The following SPAG16 variants were observed in gnomAD, a reference collection of about 807,000 sequenced individuals.
SPAG16 encodes the protein sperm associated antigen 16.
SPAG16 carries 86 observed loss-of-function variants against 80.4 expected under a neutral mutation model. That is an observed-to-expected ratio of 1.07 (90% CI 0.90 to 1.28). The LOEUF (loss-of-function observed/expected upper bound fraction) is 1.28. Among genes scored for constraint, SPAG16 ranks in the 50% most tolerant of loss-of-function variants. The pLI, the probability that SPAG16 is intolerant of heterozygous loss-of-function variation, is 0.00. For missense variants in SPAG16, 870 were observed against 765.3 expected (o/e 1.14, Z -1.61); for synonymous variants, 294 against 265.9 (o/e 1.11, Z -1.03).
At chr2:213,291,999 TAAA>T (rs2062293534) in intron 1 of SPAG16, among the ~76,000 whole-genome samples, 1 of 152,228 alleles carries the variant, frequency 6.6e-6, no homozygotes, top group African/African-American at 2.4e-5. Flanking sequence ...ATTTAGGTGA[TAAA>T]AAGCCATTGT....
chr2:213,968,936 C>A (rs2044866868), intron 12 of SPAG16, among the ~76,000 whole-genome samples: 1 of 152,070 alleles, frequency 6.6e-6, no homozygotes, highest in South Asian at 2.1e-4. Flanking sequence ...CTGGAGGAGG[C>A]AAATACAAAT....
At chr2:213,813,618 C>G (rs2072321387) in intron 10 of SPAG16, among the ~76,000 whole-genome samples, 1 of 152,118 alleles carries the variant, frequency 6.6e-6, no homozygotes, top group Non-Finnish European at 1.5e-5. Flanking sequence ...CAAAAATTGT[C>G]TGCCAATGAA....
intron 10 of SPAG16, among the ~76,000 whole-genome samples, chr2:213,732,401 A>G (rs1251250924): frequency 1.3e-5 from 2 of 152,108 alleles, no homozygotes; most frequent in Middle Eastern, 3.2e-3. Flanking sequence ...CCTCAAGGAG[A>G]ACTACAAGCC....
In SPAG16 at chr2:214,363,880, G is replaced by T. The variant is rs200720400; in HGVS notation, c.1721-46260G>T. Among the ~76,000 whole-genome samples, 6 of 152,082 alleles carry T rather than the reference G, an allele frequency of 3.9e-5. No homozygotes were observed. The East Asian group carries it at 9.6e-4, about 24-fold the overall frequency. ...GTTCTTGCTATAAGTTTTGTTCACA[G>T]TTTATGTGGAGGAATGTCTTTTGAG... On this transcript the variant is annotated intron_variant, in intron 15 of 15. Coordinates refer to ENST00000331683, the MANE Select transcript of SPAG16 (RefSeq NM_024532.5).
chr2:213,541,732 GAC>G (rs2076454184), intron 10 of SPAG16, among the ~76,000 whole-genome samples: 1 of 152,086 alleles, frequency 6.6e-6, no homozygotes, highest in African/African-American at 2.4e-5. Context: ...GACCTCTATC[GAC>G]ACACAGCTGA....
intron 8 of SPAG16, among the ~76,000 whole-genome samples, chr2:213,372,949 G>A (rs1410964278): frequency 6.6e-6 from 1 of 152,028 alleles, no homozygotes; most frequent in Non-Finnish European, 1.5e-5. Context: ...CAATTGAGTG[G>A]GTAAAATTTA....
intron 9 of SPAG16, among the ~76,000 whole-genome samples, chr2:213,446,196 TCTTAC>T (rs1288153417): frequency 6.6e-6 from 1 of 152,206 alleles, no homozygotes; most frequent in Non-Finnish European, 1.5e-5. Context: ...CAGAGTATAT[TCTTAC>T]CTTGAAATAA....
chr2:213,896,580 A>G (rs1246175606), intron 11 of SPAG16, among the ~76,000 whole-genome samples: 1 of 76,608 alleles, frequency 1.3e-5, no homozygotes, highest in Non-Finnish European at 3.0e-5. Context: ...TGTGATATAT[A>G]CACACACACA....
Position 213,340,280 on chromosome 2 carries a change from T to G in SPAG16, c.644+10T>G. 10 of 1,492,802 alleles carry G rather than the reference T, an allele frequency of 6.7e-6. No homozygotes were observed. The highest frequency in any genetic ancestry group is 2.3e-5 in the East Asian group (1 of 44,102). The allele number at this position is 1,492,802 out of a possible 1,614,324, so 92.5% of individuals were successfully genotyped here. A position where few individuals can be genotyped will look rare whatever the true frequency, so the allele number is the denominator to read the frequency against. ...TTAATGACCTCAAAGGGTAAGCTTATACTTGTTGGCATATTTATTAAAGAG... is the reference window on the plus strand; with the variant it reads ...TTAATGACCTCAAAGGGTAAGCTTAGACTTGTTGGCATATTTATTAAAGAG... On this transcript the variant is annotated intron_variant, in intron 6 of 15. Coordinates refer to ENST00000331683, the MANE Select transcript of SPAG16 (RefSeq NM_024532.5).
intron 10 of SPAG16, among the ~76,000 whole-genome samples, chr2:213,584,736 A>G (rs377399093): frequency 7.2e-5 from 11 of 152,306 alleles, no homozygotes; most frequent in East Asian, 5.8e-4. Flanking sequence ...GAACTTAACC[A>G]TTTCTAAAAC....
chr2:214,222,009 G>A (rs1410019798), intron 15 of SPAG16, among the ~76,000 whole-genome samples: 2 of 150,882 alleles, frequency 1.3e-5, no homozygotes, highest in African/African-American at 4.9e-5. Context: ...TTTGCCTAGT[G>A]ACATCCATTC....
intron 15 of SPAG16, among the ~76,000 whole-genome samples, chr2:214,359,017 G>T (rs1043480211): frequency 6.6e-6 from 1 of 151,750 alleles, no homozygotes; most frequent in African/African-American, 2.4e-5. Flanking sequence ...AGGAAAGAAA[G>T]GATCAGTTAT....
At chr2:213,986,004 T>C (rs1226035452) in intron 12 of SPAG16, among the ~76,000 whole-genome samples, 2 of 152,236 alleles carry the variant, frequency 1.3e-5, no homozygotes, top group African/African-American at 4.8e-5. Flanking sequence ...AGTTGTTTTT[T>C]GCACTGTGAT....
intron 10 of SPAG16, among the ~76,000 whole-genome samples, chr2:213,859,132 T>G (rs2075302975): frequency 8.8e-6 from 1 of 113,060 alleles, no homozygotes; most frequent in Non-Finnish European, 1.6e-5. Flanking sequence ...TGAGCCGAGA[T>G]CACACCACTG....
chr2:214,061,533 G>A (rs1283616879), intron 13 of SPAG16, among the ~76,000 whole-genome samples: 1 of 152,150 alleles, frequency 6.6e-6, no homozygotes, highest in Admixed American at 6.5e-5. Context: ...TCTGAAGGCA[G>A]TCTTGATGCA....
intron 11 of SPAG16, among the ~76,000 whole-genome samples, chr2:213,919,296 A>G (rs1168280123): frequency 6.6e-6 from 1 of 151,606 alleles, no homozygotes; most frequent in Admixed American, 6.6e-5. Context: ...TCCTTAGTTC[A>G]TCTCTGATTT....
chr2:213,600,925 G>C (rs568670205), intron 10 of SPAG16, among the ~76,000 whole-genome samples: 1 of 152,248 alleles, frequency 6.6e-6, no homozygotes, highest in African/African-American at 2.4e-5. Flanking sequence ...ATTTATTAGC[G>C]TGCAGGGAGG....
Position 214,108,308 on chromosome 2 carries a change from C to T in SPAG16, c.1593+47C>T, listed in dbSNP as rs759855916. The T allele has an allele frequency of 2.8e-6, 4 of 1,425,996 alleles. No individual in the cohort carries two copies. In the Admixed American group the frequency reaches 5.9e-5, roughly 21 times the overall value. The allele number at this position is 1,425,996 out of a possible 1,614,324, so 88.3% of individuals were successfully genotyped here. A position where few individuals can be genotyped will look rare whatever the true frequency, so the allele number is the denominator to read the frequency against. On this transcript the variant is annotated intron_variant, in intron 14 of 15. Transcript: ENST00000331683. ...AACTGTTTTTAATGCTTCATATATA[C>T]AAATTCATTTTTATAAAACAAATTT...
chr2:214,302,477 A>T (rs763903448), intron 15 of SPAG16, among the ~76,000 whole-genome samples: 13 of 151,928 alleles, frequency 8.6e-5, no homozygotes, highest in Non-Finnish European at 1.8e-4. Flanking sequence ...TGTTTTGTGA[A>T]TACTTCAGTT....
Sources: gnomAD v4.1 joint callset for allele counts (sites outside exome capture counted in the v4.1 genomes callset) on GRCh38, gnomAD v4.1.1 for gene constraint, MANE v1.5 for transcripts, NCBI Gene and HGNC (gene_info 2026-07-23, HGNC 2026-07-21) for gene names.